The following LHFPL2 variants were observed in gnomAD, a reference collection of about 807,000 sequenced individuals.
LHFPL2 encodes LHFPL tetraspan subfamily member 2.
In LHFPL2, 7 loss-of-function variants were observed where a neutral mutation model predicts 17.5. That is an observed-to-expected ratio of 0.40 (90% CI 0.23 to 0.75). LHFPL2 has a LOEUF of 0.75. Among genes scored for constraint, LHFPL2 ranks in the 30% least tolerant of loss-of-function variants. LHFPL2 has a pLI of 0.37. For synonymous variants in LHFPL2, 134 were observed against 116.2 expected (o/e 1.15, Z -0.99); for missense variants, 241 against 294.8 (o/e 0.82, Z 1.34).
At chr5:78,600,355 T>G (rs1397736010) in intron 2 of LHFPL2, among the ~76,000 whole-genome samples, 1 of 151,158 alleles carries the variant, frequency 6.6e-6, no homozygotes, top group Non-Finnish European at 1.5e-5. Flanking sequence ...TTACAGGTGA[T>G]TAAAAAAAAA....
At chr5:78,549,660 G>A (rs1263920152) in intron 3 of LHFPL2, among the ~76,000 whole-genome samples, 4 of 152,216 alleles carry the variant, frequency 2.6e-5, no homozygotes, top group Non-Finnish European at 4.4e-5. Context: ...TAAGTTTATA[G>A]AGGCGGAGGA....
intron 3 of LHFPL2, among the ~76,000 whole-genome samples, chr5:78,551,968 G>T (rs1464777689): frequency 6.6e-6 from 1 of 152,108 alleles, no homozygotes; most frequent in East Asian, 1.9e-4. Context: ...ATACCCTCTT[G>T]TCAAATCATA....
At chr5:78,591,694 TCTTGTGGAACA>T (rs1284986629) in intron 2 of LHFPL2, among the ~76,000 whole-genome samples, 1 of 152,146 alleles carries the variant, frequency 6.6e-6, no homozygotes, top group Non-Finnish European at 1.5e-5. Context: ...AATAAGACAT[TCTTGTGGAACA>T]CTTAGCTTTG....
chr5:78,518,397 T>G (rs758374586), intron 3 of LHFPL2, among the ~76,000 whole-genome samples: 27 of 152,354 alleles, frequency 1.8e-4, no homozygotes, highest in Admixed American at 9.1e-4. Flanking sequence ...CTTTCCCTAG[T>G]GAGAATGCCA....
chr5:78,625,004 T>A (rs1025420432), intron 2 of LHFPL2: 1 of 152,144 alleles, frequency 6.6e-6, no homozygotes, highest in Non-Finnish European at 1.5e-5. Context: ...GGTTTCACCA[T>A]GCTGGCCAGG....
At chr5:78,495,334 C>T (rs1754572537) in intron 4 of LHFPL2, among the ~76,000 whole-genome samples, 1 of 152,240 alleles carries the variant, frequency 6.6e-6, no homozygotes, top group Non-Finnish European at 1.5e-5. Flanking sequence ...TCACCACCTG[C>T]TGGCCAATGG....
chr5:78,642,658 T>G (rs979741717), intron 1 of LHFPL2, among the ~76,000 whole-genome samples: 1 of 152,078 alleles, frequency 6.6e-6, no homozygotes, highest in East Asian at 1.9e-4. Context: ...AAGAACTCCC[T>G]CTATCATCTC....
At chr5:78,572,462 A>C (rs1040905120) in intron 2 of LHFPL2, among the ~76,000 whole-genome samples, 1 of 141,504 alleles carries the variant, frequency 7.1e-6, no homozygotes, top group African/African-American at 3.1e-5. Flanking sequence ...ATGTATGTGT[A>C]TATACATGTG....
chr5:78,549,012 A>G (rs1207336694), intron 3 of LHFPL2: 1 of 152,232 alleles, frequency 6.6e-6, no homozygotes, highest in Non-Finnish European at 1.5e-5. Context: ...TTAACATTTC[A>G]TAGCTTAAAA....
intron 2 of LHFPL2, among the ~76,000 whole-genome samples, chr5:78,586,826 A>G (rs1743426476): frequency 6.6e-6 from 1 of 152,230 alleles, no homozygotes; most frequent in Admixed American, 6.5e-5. Flanking sequence ...TTATTATTTG[A>G]GAAGTTCTAG....
In LHFPL2 at chr5:78,501,741, A is replaced by G. The variant is rs138541939; in HGVS notation, c.430+8043T>C. Reference sequence around the variant, plus strand: ...TACTCCATCTCATTTTAAAGTTTCAAGAGTTCGTGGACAAGCTAAACCAGG... The same window carrying G: ...TACTCCATCTCATTTTAAAGTTTCAGGAGTTCGTGGACAAGCTAAACCAGG... On this transcript the variant is annotated intron_variant, in intron 4 of 4. Coordinates refer to ENST00000380345, the MANE Select transcript of LHFPL2 (RefSeq NM_005779.3). 9.0e-3 allele frequency among the ~76,000 whole-genome samples: 1,375 copies of G among 152,312 alleles called. 17 individuals are homozygous for G. The highest frequency in any genetic ancestry group is 0.031 in the African/African-American group (1,297 of 41,550).
At chr5:78,491,054 G>A (rs1347005900) in intron 4 of LHFPL2, 1 of 152,238 alleles carries the variant, frequency 6.6e-6, no homozygotes, top group Non-Finnish European at 1.5e-5. Flanking sequence ...CGTGAAGGAA[G>A]ATTGGGGACA....
intron 2 of LHFPL2, among the ~76,000 whole-genome samples, chr5:78,612,531 C>G (rs1030888742): frequency 6.6e-6 from 1 of 152,224 alleles, no homozygotes; most frequent in African/African-American, 2.4e-5. Context: ...GGCATGAAAA[C>G]TTGGCTCAGT....
chr5:78,519,360 C>T (rs1268474286), intron 3 of LHFPL2, among the ~76,000 whole-genome samples: 1 of 152,206 alleles, frequency 6.6e-6, no homozygotes, highest in Non-Finnish European at 1.5e-5. Flanking sequence ...CTGTACCCTA[C>T]AAGTGGGTGG....
chr5:78,592,621 TACACAC>T (rs3068900), intron 2 of LHFPL2, among the ~76,000 whole-genome samples: 2 of 129,512 alleles, frequency 1.5e-5, no homozygotes, highest in Non-Finnish European at 3.4e-5. Flanking sequence ...AAAATTCAGA[TACACAC>T]ACACACACAC....
intron 2 of LHFPL2, among the ~76,000 whole-genome samples, chr5:78,595,447 A>G (rs1015896141): frequency 2.0e-5 from 3 of 152,206 alleles, no homozygotes; most frequent in Admixed American, 2.0e-4. Context: ...TAGGTGAACA[A>G]TGTCTCAGTG....
At chr5:78,559,208 CAAATT>C (rs896393117) in intron 3 of LHFPL2, among the ~76,000 whole-genome samples, 3 of 152,172 alleles carry the variant, frequency 2.0e-5, no homozygotes, top group African/African-American at 7.2e-5. Context: ...TGTGGCTTCC[CAAATT>C]ATATTATTTT....
intron 2 of LHFPL2, among the ~76,000 whole-genome samples, chr5:78,615,486 C>T (rs1744568268): frequency 6.6e-6 from 1 of 152,172 alleles, no homozygotes; most frequent in African/African-American, 2.4e-5. Context: ...GGCTCAATAG[C>T]TAACAGAAAA....
In LHFPL2 at chr5:78,490,764, A is replaced by AAAAAG. The variant is rs59222924; in HGVS notation, c.431-1612_431-1611insCTTTT. On this transcript the variant is annotated intron_variant, in intron 4 of 4. Transcript: ENST00000380345. Reference sequence around the variant, plus strand: ...TCCCTCTCAAAAAAAAAAAAAAAAAAGCAAGATACTGCAAGAGGAGGAGGA... The same window carrying AAAAAG: ...TCCCTCTCAAAAAAAAAAAAAAAAAAAAAAGGCAAGATACTGCAAGAGGAGGAGGA... 4.7e-5 allele frequency among the ~76,000 whole-genome samples: 7 copies of AAAAAG among 148,232 alleles called. No individual in the cohort carries two copies. The East Asian group carries it at 8.1e-4, about 17-fold the overall frequency.
Sources: gnomAD v4.1 joint callset for allele counts (sites outside exome capture counted in the v4.1 genomes callset) on GRCh38, gnomAD v4.1.1 for gene constraint, MANE v1.5 for transcripts, NCBI Gene and HGNC (gene_info 2026-07-23, HGNC 2026-07-21) for gene names.